The following DCP1B variants were observed in gnomAD, a reference collection of about 807,000 sequenced individuals.
DCP1B encodes mRNA-decapping enzyme 1B.
DCP1B carries 47 observed loss-of-function variants against 60.5 expected under a neutral mutation model. The observed-to-expected ratio is 0.78, with a 90% CI of 0.61 to 0.99. DCP1B has a LOEUF of 0.99. Ranked by LOEUF, DCP1B falls within the 50% of genes least tolerant of loss-of-function variation. The pLI, the probability that DCP1B is intolerant of heterozygous loss-of-function variation, is 0.00. For synonymous variants in DCP1B, 267 were observed against 280.3 expected, an observed-to-expected ratio of 0.95 and a Z score of 0.47; for missense variants, 725 against 756.8, an observed-to-expected ratio of 0.96 and a Z score of 0.49.
chr12:1,955,368 C>CTGGG (rs1375819099), intron 6 of DCP1B, 64 bp downstream of exon 6: 1 of 1,543,076 alleles, frequency 6.5e-7, no homozygotes, highest in Non-Finnish European at 8.8e-7. Context: ...TGACTATATT[C>CTGGG]TGGGTCAAAG....
rs2030518230 is a variant in DCP1B, at chr12:1,948,315, G to A, written c.1773+771C>T. 6.6e-6 allele frequency among the ~76,000 whole-genome samples: 1 copy of A among 152,214 alleles called. No homozygotes were observed. The highest frequency in any genetic ancestry group is 6.5e-5 in the Admixed American group (1 of 15,290). ...AGAGTACGTGGGAAGTGGCACTCGG[G>A]GGCCAGGCTGGGTGCATCCCAGCCC... On this transcript the variant is annotated intron_variant, in intron 8 of 8. Transcript: ENST00000280665. This position sits in a 1 kb window ranked among gnomAD's most constrained non-coding sequence, Gnocchi z 4.8.
chr12:2,004,239 A>C (rs1593489866), intron 1 of DCP1B, 43 bp downstream of exon 1: 2 of 1,606,576 alleles, frequency 1.2e-6, no homozygotes, highest in Non-Finnish European at 1.7e-6. Flanking sequence ...CCCCGCCTCC[A>C]CCCCAACCCT....
At chr12:1,983,018 A>AT (rs2036597987) in intron 3 of DCP1B, among the ~76,000 whole-genome samples, 1 of 151,994 alleles carries the variant, frequency 6.6e-6, no homozygotes, top group East Asian at 1.9e-4. Flanking sequence ...TTTCTCAGTG[A>AT]ATTAGTCCAT....
chr12:1,944,113 A>T (rs548891666), downstream of DCP1B, among the ~76,000 whole-genome samples: 23 of 152,206 alleles, frequency 1.5e-4, no homozygotes, highest in Non-Finnish European at 2.5e-4. Flanking sequence ...ATGTGCAAAA[A>T]TCACAAGCAT....
In DCP1B at chr12:1,946,107, A is replaced by G. The variant is rs1414385322; in HGVS notation, c.*99T>C. 3 of 964,084 alleles carry G rather than the reference A, an allele frequency of 3.1e-6. No individual in the cohort carries two copies. Among genetic ancestry groups the G allele is most frequent in the African/African-American group, 1.7e-5 (1 of 59,556 alleles). The allele number at this position is 964,084 out of a possible 1,614,324, so 59.7% of individuals were successfully genotyped here. On this transcript the variant is annotated 3_prime_UTR_variant, in exon 9 of 9. Transcript: ENST00000280665. ...CATATTACACATACTTTTTTTTTAA[A>G]AAAGGCAGAAACATTGAAGGAAACA... is the stretch of plus-strand genomic sequence containing the variant.
chr12:1,944,057 C>T (rs2030346447), downstream of DCP1B, among the ~76,000 whole-genome samples: 1 of 152,268 alleles, frequency 6.6e-6, no homozygotes, highest in African/African-American at 2.4e-5. Context: ...AGCCCAAAAT[C>T]TTAAACTCAT....
chr12:1,946,259 A>G lies in DCP1B; in HGVS notation c.1801T>C (p.Tyr601His). Residue 601 changes from tyrosine (Y) to histidine (H), a missense_variant, in exon 9 of 9, where the codon TAT becomes CAT. Transcript: ENST00000280665. ...GTCATGCTGAAGAGATAGGCTTCAT[A>G]GATTATATTTAAGAAGTTGTCATCA... is the stretch of plus-strand genomic sequence containing the variant. ...QNDDNFLNII[Y>H]EAYLFSMTQA... The G allele has an allele frequency of 6.2e-7, 1 of 1,608,408 alleles. No homozygotes were observed. Among genetic ancestry groups the G allele is most frequent in the Non-Finnish European group, 8.5e-7 (1 of 1,177,928 alleles).
intron 2 of DCP1B, among the ~76,000 whole-genome samples, chr12:1,997,149 A>G (rs891361394): frequency 5.9e-5 from 9 of 152,236 alleles, no homozygotes; most frequent in Admixed American, 4.6e-4. Context: ...TCTATCCTGA[A>G]ACATATTCTA....
intron 7 of DCP1B, among the ~76,000 whole-genome samples, chr12:1,951,562 T>C (rs2030670368): frequency 6.6e-6 from 1 of 152,042 alleles, no homozygotes; most frequent in Non-Finnish European, 1.5e-5. Flanking sequence ...CTCTGGCAGT[T>C]TGTGTGGGGG....
chr12:1,965,740 A>G, intron 4 of DCP1B, 47 bp from the exon 5 acceptor site: 1 of 1,576,930 alleles, frequency 6.3e-7, no homozygotes, highest in Non-Finnish European at 8.6e-7. Context: ...CCAATTCAAC[A>G]CAAACAATGT....
intron 3 of DCP1B, among the ~76,000 whole-genome samples, chr12:1,981,178 T>C (rs1007726903): frequency 6.6e-6 from 1 of 152,132 alleles, no homozygotes; most frequent in African/African-American, 2.4e-5. Flanking sequence ...TAAAGTAACC[T>C]TGAGAAGCTG....
At chr12:1,967,431 A>C (rs750361609) in intron 4 of DCP1B, among the ~76,000 whole-genome samples, 1 of 152,220 alleles carries the variant, frequency 6.6e-6, no homozygotes, top group African/African-American at 2.4e-5. Flanking sequence ...AGTTAAAGGA[A>C]AGCATCTGGG....
intron 3 of DCP1B, among the ~76,000 whole-genome samples, chr12:1,984,639 A>T (rs182804046): frequency 1.3e-5 from 2 of 152,138 alleles, no homozygotes; most frequent in East Asian, 3.9e-4. Context: ...AGGAGAAAAA[A>T]TAAATCTTTT....
At chr12:1,954,941 G>A (rs1007842960) in intron 6 of DCP1B, among the ~76,000 whole-genome samples, 4 of 152,108 alleles carry the variant, frequency 2.6e-5, no homozygotes, top group Admixed American at 2.6e-4. Flanking sequence ...ATAGCTCACC[G>A]TAACCTCAAA....
chr12:1,996,662 A>AAAAT (rs2040989544), intron 2 of DCP1B, among the ~76,000 whole-genome samples: 1 of 104,034 alleles, frequency 9.6e-6, no homozygotes, highest in Non-Finnish European at 1.9e-5. Context: ...AAAACAACAA[A>AAAAT]CTCTTCTAAT....
chr12:1,970,200 C>T (rs988062589), intron 3 of DCP1B, among the ~76,000 whole-genome samples: 17 of 152,118 alleles, frequency 1.1e-4, no homozygotes, highest in African/African-American at 2.7e-4. Context: ...ATTTAGGGAG[C>T]GAAAATGCTA....
intron 1 of DCP1B, among the ~76,000 whole-genome samples, chr12:1,999,234 A>G (rs948755206): frequency 6.6e-6 from 1 of 152,350 alleles, no homozygotes; most frequent in East Asian, 1.9e-4. Flanking sequence ...AGAGCCACTC[A>G]CTGCCTTAGT....
intron 4 of DCP1B, among the ~76,000 whole-genome samples, 179 bp downstream of exon 4, chr12:1,967,665 C>A (rs764906134): frequency 6.6e-6 from 1 of 152,178 alleles, no homozygotes; most frequent in South Asian, 2.1e-4. Context: ...AGTGAAACTG[C>A]GGCAAGTTGT....
At chr12:1,961,905 G>T (rs956208929) in intron 5 of DCP1B, among the ~76,000 whole-genome samples, 3 of 152,124 alleles carry the variant, frequency 2.0e-5, no homozygotes, top group Non-Finnish European at 4.4e-5. Flanking sequence ...TGCTTGTGCT[G>T]TTCTTTTATG....
Sources: gnomAD v4.1 joint callset for allele counts (sites outside exome capture counted in the v4.1 genomes callset) on GRCh38, gnomAD v4.1.1 for gene constraint, Gnocchi (gnomAD v3.1) non-coding constraint, MANE v1.5 for transcripts, NCBI Gene and HGNC (gene_info 2026-07-23, HGNC 2026-07-21) for gene names.